Variants in BTRC observed in about 807,000 individuals in gnomAD.
BTRC encodes beta-transducin repeat containing E3 ubiquitin protein ligase.
Under a neutral mutation model 85.5 loss-of-function variants are expected in BTRC, and 42 were observed. The ratio of observed to expected loss-of-function variants is 0.49; its 90% CI spans 0.38 to 0.64. The LOEUF (loss-of-function observed/expected upper bound fraction) is 0.64, where lower values mean the gene tolerates loss of function less well. Among genes scored for constraint, BTRC ranks in the 30% least tolerant of loss-of-function variants. The probability of loss-of-function intolerance (pLI) is 0.00; values close to 1 mark genes in which losing one functional copy is unlikely to be tolerated. For synonymous variants in BTRC, 255 were observed against 263.3 expected (o/e 0.97, Z 0.30); for missense variants, 594 against 743.5 (o/e 0.80, Z 2.34).
At chr10:101,448,460 T>G (rs1944881824) in intron 2 of BTRC, among the ~76,000 whole-genome samples, 1 of 152,088 alleles carries the variant, frequency 6.6e-6, no homozygotes, top group Non-Finnish European at 1.5e-5. Flanking sequence ...TGTTTGGTGA[T>G]GTTAACAAAT....
chr10:101,436,894 G>T (rs925090009), intron 2 of BTRC, among the ~76,000 whole-genome samples: 4 of 152,026 alleles, frequency 2.6e-5, no homozygotes, highest in African/African-American at 9.7e-5. Context: ...GAACAATACA[G>T]GAAAATTAGG....
intron 1 of BTRC, among the ~76,000 whole-genome samples, chr10:101,395,703 C>G (rs1943345827): frequency 6.6e-6 from 1 of 151,984 alleles, no homozygotes; most frequent in Non-Finnish European, 1.5e-5. Context: ...TTTTTCAGTT[C>G]ATTGCATACT....
At chr10:101,514,213 A>G (rs2061993150) in intron 4 of BTRC, among the ~76,000 whole-genome samples, 1 of 152,214 alleles carries the variant, frequency 6.6e-6, no homozygotes, top group African/African-American at 2.4e-5. Flanking sequence ...GTTAATAAAA[A>G]TGACAAATCA....
At chr10:101,382,203 G>C (rs1010055174) in intron 1 of BTRC, among the ~76,000 whole-genome samples, 1 of 151,096 alleles carries the variant, frequency 6.6e-6, no homozygotes, top group Non-Finnish European at 1.5e-5. Flanking sequence ...GGCTGGTCTC[G>C]AACTCCCGAC....
chr10:101,532,271 C>A, intron 7 of BTRC, 24 bp from the exon 8 acceptor site: 1 of 1,598,376 alleles, frequency 6.3e-7, no homozygotes, highest in East Asian at 2.2e-5. Context: ...CTAACACTGC[C>A]TCTTTCCCAT....
chr10:101,474,700 G>A (rs150928693), intron 3 of BTRC, among the ~76,000 whole-genome samples: 58 of 152,290 alleles, frequency 3.8e-4, no homozygotes, highest in African/African-American at 1.4e-3. Context: ...CCAATAGACT[G>A]TGGCTTTCAG....
At chr10:101,422,226 G>A (rs1262021996) in intron 1 of BTRC, among the ~76,000 whole-genome samples, 1 of 152,232 alleles carries the variant, frequency 6.6e-6, no homozygotes, top group African/African-American at 2.4e-5. Context: ...GGCCAGTGAT[G>A]ATGAGCATTT....
chr10:101,510,004 A>G (rs1446480597), intron 4 of BTRC, among the ~76,000 whole-genome samples: 1 of 151,876 alleles, frequency 6.6e-6, no homozygotes, highest in Non-Finnish European at 1.5e-5. Context: ...TGTCTCTACT[A>G]AAAACACAAA....
At position 101,458,149 on chromosome 10, in the gene BTRC, G is replaced by C. The variant is rs908638133; in HGVS notation, c.157-3832G>C. Among the ~76,000 whole-genome samples the C allele has an allele frequency of 2.6e-5, 4 of 152,130 alleles. No homozygotes were observed. The East Asian group carries it at 7.7e-4, about 29-fold the overall frequency. Reference sequence around the variant, plus strand: ...AATTGAATGGATAAACAAAACTGTGGCACATCCATACAGTAGATAATACTA... The same window carrying C: ...AATTGAATGGATAAACAAAACTGTGCCACATCCATACAGTAGATAATACTA... On this transcript the variant is annotated intron_variant, in intron 2 of 14. Coordinates refer to ENST00000370187, the MANE Select transcript of BTRC (RefSeq NM_033637.4).
intron 1 of BTRC, among the ~76,000 whole-genome samples, chr10:101,374,403 C>T (rs546217991): frequency 5.9e-5 from 9 of 151,494 alleles, no homozygotes; most frequent in Admixed American, 5.9e-4. Context: ...CAACGATAGA[C>T]TGGATTAAGA....
intron 4 of BTRC, among the ~76,000 whole-genome samples, chr10:101,500,967 G>A (rs1372954726): frequency 1.3e-5 from 2 of 152,172 alleles, no homozygotes; most frequent in Non-Finnish European, 2.9e-5. Context: ...GCCAAGGCAG[G>A]TGGATCACCT....
At position 101,429,810 on chromosome 10, in the gene BTRC, G is replaced by C. The variant is rs111823729; in HGVS notation, c.49-535G>C. On this transcript the variant is annotated intron_variant, in intron 1 of 14. Coordinates refer to ENST00000370187, the MANE Select transcript of BTRC (RefSeq NM_033637.4). ...AAGATACATAAAACATACGCAAACT[G>C]TGCAGAGTTTGTTGCTGTCAAAGCC... Among the ~76,000 whole-genome samples the C allele has an allele frequency of 4.1e-3, 615 of 149,110 alleles. 6 individuals are homozygous for C. Among genetic ancestry groups the C allele is most frequent in the African/African-American group, 0.014 (578 of 40,306 alleles).
intron 1 of BTRC, among the ~76,000 whole-genome samples, chr10:101,425,198 C>T (rs767340983): frequency 6.6e-6 from 1 of 152,064 alleles, no homozygotes; most frequent in Non-Finnish European, 1.5e-5. Context: ...TCCAGTCTTC[C>T]GTTGATGGGT....
At chr10:101,436,660 A>AGATG (rs1396748080) in intron 2 of BTRC, among the ~76,000 whole-genome samples, 5 of 151,776 alleles carry the variant, frequency 3.3e-5, no homozygotes, top group African/African-American at 1.2e-4. Context: ...ATAGATAGAT[A>AGATG]GATAGATAGA....
intron 13 of BTRC, among the ~76,000 whole-genome samples, chr10:101,540,490 C>T (rs2134443233): frequency 6.6e-6 from 1 of 152,188 alleles, no homozygotes; most frequent in East Asian, 1.9e-4. Context: ...GTCTTGATTC[C>T]AGTATAATTT....
rs543958648 is a variant in BTRC at position 101,505,812 on chromosome 10, A to AC, written c.325-15819dup. Among the ~76,000 whole-genome samples the AC allele has an allele frequency of 5.1e-3, 757 of 148,516 alleles. 12 individuals are homozygous for AC. The East Asian group carries it at 0.056, about 11-fold the overall frequency. ...AAATGAATTAAACATTCTTTGCTTG[A>AC]CCCCCCCCATAGATCTTTATTTAAT... On this transcript the variant is annotated intron_variant, in intron 4 of 14. Coordinates refer to ENST00000370187, the MANE Select transcript of BTRC (RefSeq NM_033637.4).
At chr10:101,469,742 C>G (rs1033229818) in intron 3 of BTRC, among the ~76,000 whole-genome samples, 1 of 152,120 alleles carries the variant, frequency 6.6e-6, no homozygotes, top group Non-Finnish European at 1.5e-5. Flanking sequence ...CTAGGAATGT[C>G]TCTTGTTCTC....
chr10:101,423,008 A>G (rs1264105237), intron 1 of BTRC, among the ~76,000 whole-genome samples: 2 of 152,266 alleles, frequency 1.3e-5, no homozygotes, highest in South Asian at 2.1e-4. Context: ...CTGTGAAGAA[A>G]GTCATTGGTA....
chr10:101,385,902 T>G (rs950903121), intron 1 of BTRC, among the ~76,000 whole-genome samples: 1 of 152,112 alleles, frequency 6.6e-6, no homozygotes, highest in South Asian at 2.1e-4. Context: ...TTAATATAAC[T>G]AAGTTGTGAC....
Sources: gnomAD v4.1 joint callset for allele counts (sites outside exome capture counted in the v4.1 genomes callset) on GRCh38, gnomAD v4.1.1 for gene constraint, MANE v1.5 for transcripts, NCBI Gene and HGNC (gene_info 2026-07-23, HGNC 2026-07-21) for gene names.